Variants in CDH13 observed in about 807,000 individuals in gnomAD.
CDH13 encodes cadherin 13.
In CDH13, 24 loss-of-function variants were observed where a neutral mutation model predicts 63.8. The observed-to-expected ratio is 0.38, with a 90% confidence interval of 0.27 to 0.53. The LOEUF (loss-of-function observed/expected upper bound fraction) is 0.53, where lower values mean the gene tolerates loss of function less well. CDH13 is among the 20% of genes least tolerant of loss of function. The pLI is 0.85. For synonymous variants in CDH13, 503 were observed against 355.3 expected (o/e 1.42, Z -4.67); for missense variants, 1,049 against 903.1 (o/e 1.16, Z -2.07).
intron 1 of CDH13, among the ~76,000 whole-genome samples, chr16:82,765,834 C>G (rs2035034859): frequency 6.6e-6 from 1 of 152,190 alleles, no homozygotes; most frequent in African/African-American, 2.4e-5. Flanking sequence ...CCTGTAAGTT[C>G]TTGGATATTG....
intron 4 of CDH13, among the ~76,000 whole-genome samples, chr16:83,171,116 G>A (rs1002414151): frequency 5.9e-5 from 9 of 152,128 alleles, no homozygotes; most frequent in African/African-American, 2.2e-4. Context: ...GGCTGTGCAG[G>A]AAGCATGGTG....
intron 6 of CDH13, among the ~76,000 whole-genome samples, chr16:83,371,105 G>C (rs1214126302): frequency 2.0e-5 from 3 of 152,216 alleles, no homozygotes; most frequent in Non-Finnish European, 4.4e-5. Flanking sequence ...AGTTAGTTCA[G>C]ACGCTGTGGA....
chr16:83,427,235 C>T (rs2071938545), intron 6 of CDH13, among the ~76,000 whole-genome samples: 1 of 152,054 alleles, frequency 6.6e-6, no homozygotes, highest in Admixed American at 6.5e-5. Context: ...CTTACATGGT[C>T]AAAGAAACCT....
chr16:82,787,719 T>G (rs563594609), intron 1 of CDH13, among the ~76,000 whole-genome samples: 1 of 152,194 alleles, frequency 6.6e-6, no homozygotes, highest in Non-Finnish European at 1.5e-5. Flanking sequence ...CTGGACTCAA[T>G]CCCAAATTAG....
At chr16:83,626,373 G>T (rs952534785) in intron 8 of CDH13, among the ~76,000 whole-genome samples, 1 of 152,184 alleles carries the variant, frequency 6.6e-6, no homozygotes, top group African/African-American at 2.4e-5. Context: ...TTGTCACCGG[G>T]ATAACTGCAG....
chr16:83,594,113 A>G (rs1283377853), intron 7 of CDH13, among the ~76,000 whole-genome samples: 1 of 152,196 alleles, frequency 6.6e-6, no homozygotes, highest in African/African-American at 2.4e-5. Flanking sequence ...TCCACTTCCA[A>G]GTTCACTCAG....
intron 2 of CDH13, among the ~76,000 whole-genome samples, chr16:82,898,482 G>A (rs1036024020): frequency 2.6e-5 from 4 of 152,152 alleles, no homozygotes; most frequent in Non-Finnish European, 4.4e-5. Flanking sequence ...CCAAGATCTC[G>A]CCACTGCCCT....
At chr16:83,154,003 G>C (rs193262421) in intron 4 of CDH13, among the ~76,000 whole-genome samples, 1 of 152,124 alleles carries the variant, frequency 6.6e-6, no homozygotes, top group Non-Finnish European at 1.5e-5. Context: ...TCAAAAATAC[G>C]TATTCCTTCT....
At position 82,923,010 on chromosome 16, in the gene CDH13, G is replaced by A. The variant is rs185335770; in HGVS notation, c.157+64537G>A. The stretch of plus-strand genomic sequence containing the variant: ...ACTGTAGTCTCTTAAGTGTGCAATA[G>A]CATCATGTATTTTAGAAAGTATATA... On this transcript the variant is annotated intron_variant, in intron 2 of 13. Transcript: ENST00000567109. Among the ~76,000 whole-genome samples the A allele has an allele frequency of 2.0e-4, 30 of 152,196 alleles. No homozygotes were observed. In the East Asian group the frequency reaches 5.4e-3, roughly 27 times the overall value.
chr16:83,457,532 T>C (rs1186691808), intron 6 of CDH13, among the ~76,000 whole-genome samples: 1 of 152,158 alleles, frequency 6.6e-6, no homozygotes, highest in Admixed American at 6.5e-5. Context: ...GGATCCTCAA[T>C]AAATCACAGA....
chr16:82,758,426 A>ACC (rs5818402), intron 1 of CDH13, among the ~76,000 whole-genome samples: 5 of 149,364 alleles, frequency 3.3e-5, no homozygotes, highest in African/African-American at 9.9e-5. Context: ...GACTGTTGAT[A>ACC]CCCCCCCCCC....
chr16:83,363,575 G>A (rs1277184285), intron 6 of CDH13, among the ~76,000 whole-genome samples: 2 of 152,196 alleles, frequency 1.3e-5, no homozygotes, highest in Non-Finnish European at 2.9e-5. Context: ...TGGTCAATTG[G>A]TTAAATAAGA....
chr16:83,277,883 AG>A (rs1350858643), intron 5 of CDH13, among the ~76,000 whole-genome samples: 2 of 152,206 alleles, frequency 1.3e-5, no homozygotes, highest in Non-Finnish European at 2.9e-5. Flanking sequence ...AAAAAATTTG[AG>A]AAGTTTGTTT....
intron 9 of CDH13, among the ~76,000 whole-genome samples, chr16:83,672,475 A>C (rs1379904823): frequency 9.0e-6 from 1 of 111,468 alleles, no homozygotes; most frequent in Admixed American, 1.4e-4. Flanking sequence ...ACCAGGCTGG[A>C]GTGCAGTGGC....
intron 5 of CDH13, among the ~76,000 whole-genome samples, chr16:83,229,046 T>C (rs2151800711): frequency 6.6e-6 from 1 of 152,164 alleles, no homozygotes; most frequent in South Asian, 2.1e-4. Context: ...GTAGCAGGAA[T>C]GCGGACTTGT....
intron 8 of CDH13, among the ~76,000 whole-genome samples, chr16:83,611,978 A>T (rs1908898762): frequency 6.6e-6 from 1 of 152,106 alleles, no homozygotes; most frequent in African/African-American, 2.4e-5. Flanking sequence ...CTTTAAAATA[A>T]TGTTAATTCT....
Position 83,795,412 on chromosome 16 carries a change from T to C in CDH13, c.*382T>C, listed in dbSNP as rs3743619. ...ATGTATGAGTATCTGTATGTATATA[T>C]ACACGGTATTTATAGAGAGAGACTA... On this transcript the variant is annotated 3_prime_UTR_variant, in exon 14 of 14. Coordinates refer to ENST00000567109, the MANE Select transcript of CDH13 (RefSeq NM_001257.5). 6.5e-5 allele frequency: 13 copies of C among 200,700 alleles called. No homozygotes were observed. The highest frequency in any genetic ancestry group is 1.3e-4 in the Non-Finnish European group (13 of 97,406). The allele number at this position is 200,700 out of a possible 1,614,324, so 12.4% of individuals were successfully genotyped here.
intron 6 of CDH13, among the ~76,000 whole-genome samples, chr16:83,390,045 C>T (rs6563903): frequency 0.56 from 84,952 of 152,034 alleles, 25,726 homozygotes; most frequent in African/African-American, 0.82. Flanking sequence ...GCCTTAGCTA[C>T]CCTTGTAATT....
At chr16:83,254,197 A>C (rs1905931949) in intron 5 of CDH13, among the ~76,000 whole-genome samples, 1 of 152,154 alleles carries the variant, frequency 6.6e-6, no homozygotes. Context: ...CCCTGTGCAA[A>C]TTAGCCTCCC....
Sources: allele counts gnomAD v4.1 joint callset (sites outside exome capture counted in the v4.1 genomes callset), GRCh38; gene constraint gnomAD v4.1.1; transcripts MANE v1.5; gene names NCBI Gene and HGNC (gene_info 2026-07-23, HGNC 2026-07-21).